Variants in LOC128092253 observed in about 807,000 individuals in gnomAD.
the LOC128092253 span, among the ~76,000 whole-genome samples, chr6:133,971,419 G>T: frequency 8.5e-5 from 13 of 152,228 alleles, no homozygotes; most frequent in South Asian, 2.5e-3. Context: ...ATTTTCTTTG[G>T]ATATGTATTC....
chr6:133,969,073 A>G, the LOC128092253 span: 2 of 152,154 alleles, frequency 1.3e-5, no homozygotes, highest in South Asian at 2.1e-4. Context: ...TTTCAATTAT[A>G]TCTTCTTATA....
the LOC128092253 span, among the ~76,000 whole-genome samples, chr6:133,970,668 G>A: frequency 6.6e-6 from 1 of 151,530 alleles, no homozygotes; most frequent in Non-Finnish European, 1.5e-5. Context: ...GAATGCCGTG[G>A]TGCCATGATA....
the LOC128092253 span, chr6:133,968,990 T>C: frequency 2.0e-5 from 3 of 152,220 alleles, no homozygotes; most frequent in Non-Finnish European, 2.9e-5. Context: ...TTTATAGATA[T>C]ATTTTAGTAT....
At chr6:133,975,245 C>T in the LOC128092253 span, among the ~76,000 whole-genome samples, 1 of 151,930 alleles carries the variant, frequency 6.6e-6, no homozygotes, top group Non-Finnish European at 1.5e-5. Flanking sequence ...TAGGCTACAA[C>T]AGAGACTTTA....
At chr6:133,962,364 A>G in the LOC128092253 span, among the ~76,000 whole-genome samples, 1 of 152,232 alleles carries the variant, frequency 6.6e-6, no homozygotes, top group African/African-American at 2.4e-5. Context: ...TGTAGCCATA[A>G]TGACATGTGA....
chr6:133,956,610 A>G, the LOC128092253 span, among the ~76,000 whole-genome samples: 1 of 152,306 alleles, frequency 6.6e-6, no homozygotes, highest in Non-Finnish European at 1.5e-5. Context: ...TTTGAAGATT[A>G]CGTTGTTAAT....
At chr6:133,964,282 C>G in the LOC128092253 span, among the ~76,000 whole-genome samples, 3 of 152,128 alleles carry the variant, frequency 2.0e-5, no homozygotes, top group African/African-American at 7.2e-5. Context: ...ACCAGTTACT[C>G]AGATCTGACA....
At chr6:133,974,518 G>A in the LOC128092253 span, among the ~76,000 whole-genome samples, 13 of 152,128 alleles carry the variant, frequency 8.5e-5, no homozygotes, top group African/African-American at 2.9e-4. Context: ...ATTTTTAGAC[G>A]GGGTTTCACC....
At chr6:133,978,465 G>C in the LOC128092253 span, among the ~76,000 whole-genome samples, 1 of 152,144 alleles carries the variant, frequency 6.6e-6, no homozygotes, top group Admixed American at 6.5e-5. Context: ...ACGTGCTTAA[G>C]ACCAATGGTA....
the LOC128092253 span, among the ~76,000 whole-genome samples, chr6:133,967,741 A>G: frequency 2.0e-5 from 3 of 152,352 alleles, no homozygotes; most frequent in South Asian, 6.2e-4. Flanking sequence ...CTGGACCAAA[A>G]CATTGTTAGG....
At chr6:133,964,273 C>A in the LOC128092253 span, among the ~76,000 whole-genome samples, 1 of 152,112 alleles carries the variant, frequency 6.6e-6, no homozygotes, top group Non-Finnish European at 1.5e-5. Flanking sequence ...CACCCTTCAA[C>A]CAGTTACTCA....
At chr6:133,959,320 A>G in the LOC128092253 span, among the ~76,000 whole-genome samples, 1 of 152,100 alleles carries the variant, frequency 6.6e-6, no homozygotes, top group Non-Finnish European at 1.5e-5. Context: ...GATTATGGGC[A>G]ATGGGCACGA....
the LOC128092253 span, among the ~76,000 whole-genome samples, chr6:133,963,684 G>A: frequency 1.3e-5 from 2 of 152,016 alleles, no homozygotes; most frequent in Non-Finnish European, 2.9e-5. Context: ...GCCTCCCAAA[G>A]TGCTGGGATT....
At chr6:133,961,465 CTTTT>C in the LOC128092253 span, among the ~76,000 whole-genome samples, 2 of 100,200 alleles carry the variant, frequency 2.0e-5, no homozygotes. Flanking sequence ...TTCTTTCTTT[CTTTT>C]TTTTTTTTTT....
At chr6:133,976,299 G>A in the LOC128092253 span, among the ~76,000 whole-genome samples, 1 of 152,084 alleles carries the variant, frequency 6.6e-6, no homozygotes, top group African/African-American at 2.4e-5. Flanking sequence ...CGATTTCATA[G>A]CGTTCATACA....
chr6:133,973,249 A>G, the LOC128092253 span, among the ~76,000 whole-genome samples: 76 of 152,222 alleles, frequency 5.0e-4, no homozygotes, highest in Non-Finnish European at 8.7e-4. Flanking sequence ...GTGGGTTCCT[A>G]TTGTGTTTGC....
At chr6:133,974,045 G>A in the LOC128092253 span, among the ~76,000 whole-genome samples, 1 of 147,026 alleles carries the variant, frequency 6.8e-6, no homozygotes, top group Admixed American at 6.8e-5. Context: ...CCAATTCTCT[G>A]AATAGAACAG....
the LOC128092253 span, among the ~76,000 whole-genome samples, chr6:133,974,265 C>T: frequency 6.6e-6 from 1 of 152,132 alleles, no homozygotes; most frequent in African/African-American, 2.4e-5. Context: ...AGTTCCTTTT[C>T]ATTGGATGTG....
the LOC128092253 span, among the ~76,000 whole-genome samples, chr6:133,964,890 C>T: frequency 9.0e-4 from 137 of 152,268 alleles, no homozygotes; most frequent in African/African-American, 3.0e-3. Context: ...TAAAAACAGT[C>T]GAAACTATGA....
Sources: allele counts gnomAD v4.1 joint callset (sites outside exome capture counted in the v4.1 genomes callset), GRCh38; gene constraint gnomAD v4.1.1; transcripts MANE v1.5.